The following OVOL2 variants were observed in gnomAD, a reference collection of about 807,000 sequenced individuals.
OVOL2 encodes ovo like zinc finger 2.
In OVOL2, 13 loss-of-function variants were observed where a neutral mutation model predicts 18.1. That is an observed-to-expected ratio of 0.72 (90% CI 0.47 to 1.14). The LOEUF (loss-of-function observed/expected upper bound fraction) is 1.14, where lower values mean the gene tolerates loss of function less well. Among genes scored for constraint, OVOL2 ranks in the 50% most tolerant of loss-of-function variants. OVOL2 has a pLI of 0.00. For synonymous variants in OVOL2, 166 were observed against 162.7 expected (o/e 1.02, Z -0.16); for missense variants, 335 against 383.0 (o/e 0.87, Z 1.05).
chr20:18,030,360 C>T (rs966927173), intron 3 of OVOL2, among the ~76,000 whole-genome samples: 3 of 152,154 alleles, frequency 2.0e-5, no homozygotes, highest in Non-Finnish European at 4.4e-5. Flanking sequence ...TAGAAATAAC[C>T]GACTACTGTT....
At chr20:18,042,259 CT>C (rs1283456636) in intron 2 of OVOL2, among the ~76,000 whole-genome samples, 1 of 152,100 alleles carries the variant, frequency 6.6e-6, no homozygotes, top group Non-Finnish European at 1.5e-5. Context: ...GAACAAACCT[CT>C]GACTTCTAGC....
intron 2 of OVOL2, among the ~76,000 whole-genome samples, chr20:18,053,717 A>AG: frequency 6.6e-6 from 1 of 151,434 alleles, no homozygotes. Flanking sequence ...AAAAAAAAAA[A>AG]AAGAGGAACC....
chr20:18,027,822 C>T (rs2122687742), intron 3 of OVOL2, among the ~76,000 whole-genome samples: 1 of 152,192 alleles, frequency 6.6e-6, no homozygotes. Flanking sequence ...GTCTCGATCT[C>T]CCGACCTCGT....
At chr20:18,033,565 C>G (rs957253585) in intron 3 of OVOL2, among the ~76,000 whole-genome samples, 1 of 152,200 alleles carries the variant, frequency 6.6e-6, no homozygotes, top group African/African-American at 2.4e-5. Flanking sequence ...TTACAGAATA[C>G]TTAGTCATTT....
At chr20:18,032,396 GGGAGGA>G (rs11467681) in intron 3 of OVOL2, among the ~76,000 whole-genome samples, 4,232 of 150,134 alleles carry the variant, frequency 0.028, 186 homozygotes, top group African/African-American at 0.094. Context: ...AAGGAAGGAA[GGGAGGA>G]AGGAAGGAAG....
chr20:18,038,534 TA>T (rs1433981299), intron 3 of OVOL2, among the ~76,000 whole-genome samples: 4 of 152,172 alleles, frequency 2.6e-5, no homozygotes, highest in South Asian at 2.1e-4. Context: ...CAGTCCCTAA[TA>T]TTTCCCTTAG....
intron 2 of OVOL2, among the ~76,000 whole-genome samples, chr20:18,054,978 T>G (rs1002989124): frequency 5.3e-5 from 8 of 152,070 alleles, no homozygotes; most frequent in Admixed American, 2.6e-4. Context: ...GTTTCCTTTT[T>G]GGGGGTAGAG....
At chr20:18,048,925 C>T (rs1177409216) in intron 2 of OVOL2, among the ~76,000 whole-genome samples, 1 of 152,034 alleles carries the variant, frequency 6.6e-6, no homozygotes, top group Non-Finnish European at 1.5e-5. Flanking sequence ...GTTTTTACAC[C>T]ATGCTACCTT....
intron 2 of OVOL2, among the ~76,000 whole-genome samples, chr20:18,055,106 A>C (rs985521294): frequency 1.3e-5 from 2 of 152,060 alleles, no homozygotes; most frequent in African/African-American, 4.8e-5. Context: ...CCCCCAGCAC[A>C]CAGGCAACTA....
rs538222676 is a variant in OVOL2, at chr20:18,056,716, C to T, written c.262G>A (p.Glu88Lys). Reference sequence around the variant, plus strand: ...GTCGCCAGGTGTCCATCGGGGCCCTCGGCGTCGCCGGGCTCGGGGGTTTCG... The same window carrying T: ...GTCGCCAGGTGTCCATCGGGGCCCTTGGCGTCGCCGGGCTCGGGGGTTTCG... ...ESETPEPGDA[E>K]GPDGHLATKQ... is the part of the protein sequence containing the mutation. Residue 88 changes from glutamate (E) to lysine (K), a missense_variant, in exon 2 of 4, where the codon GAG (glutamate) becomes AAG (lysine). Physicochemically the swap from Glu to Lys is moderately conservative, Grantham distance 56. Coordinates refer to ENST00000278780, the MANE Select transcript of OVOL2 (RefSeq NM_021220.4). The surrounding 1 kb of genome is among the most constrained non-coding windows in gnomAD (Gnocchi z 4.2). The T allele has an allele frequency of 4.8e-6, 7 of 1,461,018 alleles. No individual in the cohort carries two copies. In the African/African-American group the frequency reaches 8.9e-5, roughly 19 times the overall value. 90.5% of individuals were successfully genotyped at this position (1,461,018 alleles called of 1,614,324 possible).
At chr20:18,058,779 A>T (rs1042863037), upstream of OVOL2, 1 of 152,234 alleles carries the variant, frequency 6.6e-6, no homozygotes. Context: ...AAAGCTTTGC[A>T]TTTATTATTA....
chr20:18,044,482 A>G (rs2036706700), intron 2 of OVOL2, among the ~76,000 whole-genome samples: 1 of 152,176 alleles, frequency 6.6e-6, no homozygotes, highest in Non-Finnish European at 1.5e-5. Context: ...CAAGGGAGGC[A>G]CAAGACCCCA....
In OVOL2 at chr20:18,024,361, A is replaced by T. The variant is rs966974570; in HGVS notation, c.*275T>A. 2.3e-6 allele frequency: 1 copy of T among 426,518 alleles called. No individual in the cohort carries two copies. The highest frequency in any genetic ancestry group is 4.5e-5 in the East Asian group (1 of 22,308). The allele number at this position is 426,518 out of a possible 1,614,324, so 26.4% of individuals were successfully genotyped here. A position where few individuals can be genotyped will look rare whatever the true frequency, so the allele number is the denominator to read the frequency against. ...TGTGAAAATCCTTGGGGGAAAAAAAAATCCCACACGGTGTTCTTGGCCATC... is the reference window on the plus strand; with the variant it reads ...TGTGAAAATCCTTGGGGGAAAAAAATATCCCACACGGTGTTCTTGGCCATC... On this transcript the variant is annotated 3_prime_UTR_variant, in exon 4 of 4. Coordinates refer to ENST00000278780, the MANE Select transcript of OVOL2 (RefSeq NM_021220.4).
chr20:18,035,111 A>C (rs1443663266), intron 3 of OVOL2, among the ~76,000 whole-genome samples: 1 of 152,190 alleles, frequency 6.6e-6, no homozygotes, highest in Non-Finnish European at 1.5e-5. Flanking sequence ...ACATTTACTT[A>C]TAAGAACCAA....
chr20:18,056,534 G>A lies in OVOL2; in HGVS notation c.321+123C>T. The A allele has an allele frequency of 1.9e-6, 2 of 1,065,556 alleles. No individual in the cohort carries two copies. Among genetic ancestry groups the A allele is most frequent in the Non-Finnish European group, 1.1e-6 (1 of 883,120 alleles). 66.0% of individuals were successfully genotyped at this position (1,065,556 alleles called of 1,614,324 possible). A position where few individuals can be genotyped will look rare whatever the true frequency, so the allele number is the denominator to read the frequency against. On this transcript the variant is annotated intron_variant, in intron 2 of 3. Transcript: ENST00000278780. The surrounding 1 kb of genome is among the most constrained non-coding windows in gnomAD (Gnocchi z 4.2). The stretch of plus-strand genomic sequence containing the variant: ...GGGGCAGGTGCAGGAGCGGCGCGGC[G>A]GGCGCGCTCGGGGCGCGGGTGCCGG...
At chr20:18,058,307 G>A (rs552399201), upstream of OVOL2, among the ~76,000 whole-genome samples, 3 of 151,986 alleles carry the variant, frequency 2.0e-5, no homozygotes, top group African/African-American at 7.2e-5. Flanking sequence ...AAATCTGGGC[G>A]GTCAGAAGGG....
At chr20:18,035,712 G>A (rs1281104337) in intron 3 of OVOL2, among the ~76,000 whole-genome samples, 1 of 152,162 alleles carries the variant, frequency 6.6e-6, no homozygotes, top group East Asian at 1.9e-4. Context: ...TTATTACATG[G>A]AGACACACCT....
At chr20:18,051,065 C>T (rs2036767515) in intron 2 of OVOL2, among the ~76,000 whole-genome samples, 2 of 152,016 alleles carry the variant, frequency 1.3e-5, no homozygotes, top group Admixed American at 6.6e-5. Flanking sequence ...CCATAATTCA[C>T]AACAAAATGA....
chr20:18,050,155 C>T (rs893476220), intron 2 of OVOL2, among the ~76,000 whole-genome samples: 10 of 152,200 alleles, frequency 6.6e-5, no homozygotes, highest in African/African-American at 2.4e-4. Flanking sequence ...TTTGGTGGGC[C>T]TTCCTGCACC....
Sources: allele counts gnomAD v4.1 joint callset (sites outside exome capture counted in the v4.1 genomes callset), GRCh38; gene constraint gnomAD v4.1.1; non-coding constraint Gnocchi (gnomAD v3.1); transcripts MANE v1.5; gene names NCBI Gene and HGNC (gene_info 2026-07-23, HGNC 2026-07-21).